Variants in GBP7 observed in about 807,000 individuals in gnomAD.
GBP7 encodes guanylate-binding protein 7.
A neutral mutation model predicts 61.3 loss-of-function variants in GBP7; 43 were observed. The ratio of observed to expected loss-of-function variants is 0.70; its 90% CI spans 0.55 to 0.91. The LOEUF (loss-of-function observed/expected upper bound fraction) is 0.91. Ranked by LOEUF, GBP7 falls within the 40% of genes least tolerant of loss-of-function variation. The pLI is 0.00. For synonymous variants in GBP7, 267 were observed against 271.0 expected (o/e 0.99, Z 0.14); for missense variants, 717 against 740.5 (o/e 0.97, Z 0.37).
At position 89,174,093 on chromosome 1, in the gene GBP7, T is replaced by G. The variant is rs74098342; in HGVS notation, c.-20+1828A>C. The stretch of plus-strand genomic sequence containing the variant: ...GAAAGCTTTTAAAATCCTTTTAACA[T>G]GTATCTACTCCTTTATGTGGATTAT... On this transcript the variant is annotated intron_variant, in intron 1 of 10. Coordinates refer to ENST00000294671, the MANE Select transcript of GBP7 (RefSeq NM_207398.3). 9.9e-3 allele frequency among the ~76,000 whole-genome samples: 1,513 copies of G among 152,362 alleles called. 29 individuals are homozygous for G. The highest frequency in any genetic ancestry group is 0.035 in the African/African-American group (1,459 of 41,588).
intron 8 of GBP7, among the ~76,000 whole-genome samples, chr1:89,146,713 G>A (rs1040011825): frequency 2.0e-4 from 31 of 152,122 alleles, no homozygotes; most frequent in African/African-American, 7.5e-4. Context: ...CTAATCTTCA[G>A]AGAAATGCAA....
rs567933284 is a variant in GBP7, at chr1:89,146,457, A to G, written c.1365+1110T>C. ...CTACATCAAACTAAGTTACCACTCAATGAAAAAACAAAGAAAGGAAAAAAG... is the reference window on the plus strand; with the variant it reads ...CTACATCAAACTAAGTTACCACTCAGTGAAAAAACAAAGAAAGGAAAAAAG... On this transcript the variant is annotated intron_variant, in intron 8 of 10. Coordinates refer to ENST00000294671, the MANE Select transcript of GBP7 (RefSeq NM_207398.3). 4.6e-5 allele frequency among the ~76,000 whole-genome samples: 7 copies of G among 152,306 alleles called. No homozygotes were observed. The East Asian group carries it at 7.7e-4, about 17-fold the overall frequency.
At position 89,150,475 on chromosome 1, in the gene GBP7, G is replaced by A. The variant is rs761951592; in HGVS notation, c.726C>T (p.Asp242=). The A allele has an allele frequency of 1.2e-6, 2 of 1,613,824 alleles. No individual in the cohort carries two copies. Among genetic ancestry groups the A allele is most frequent in the Non-Finnish European group, 8.5e-7 (1 of 1,179,928 alleles). The change falls in exon 6 of 11, where the codon GAC becomes GAT. Residue 242 remains aspartate (D), a synonymous_variant. Coordinates refer to ENST00000294671, the MANE Select transcript of GBP7 (RefSeq NM_207398.3). ...CTTCAACATGGAGTAAGAGTTTTTT[G>A]TCATTTATTGGCCGGTCAAAGACAA... ...KCFVFDRPIN[D]KKLLLHVEEV...
At chr1:89,168,200 T>C (rs536753441) in intron 2 of GBP7, among the ~76,000 whole-genome samples, 1 of 152,320 alleles carries the variant, frequency 6.6e-6, no homozygotes, top group East Asian at 1.9e-4. Context: ...TTTTTCCTCT[T>C]ACTTTTTCGC....
chr1:89,168,151 T>C (rs1301237412), intron 2 of GBP7, among the ~76,000 whole-genome samples: 4 of 152,200 alleles, frequency 2.6e-5, no homozygotes, highest in African/African-American at 9.6e-5. Flanking sequence ...TATTTCTGAT[T>C]GGCATATAGA....
In GBP7 at chr1:89,154,896, G is replaced by C. The variant is rs2100650512; in HGVS notation, c.319-2119C>G. On this transcript the variant is annotated intron_variant, in intron 3 of 10. Transcript: ENST00000294671. ...TTTGAGATCTGAGAATGGACAGACT[G>C]CCTCCTCAAGTGGGTCCCCGACCCC... is the stretch of plus-strand genomic sequence containing the variant. Among the ~76,000 whole-genome samples the C allele has an allele frequency of 1.3e-5, 2 of 152,270 alleles. 1 individual carries two copies. The highest frequency in any genetic ancestry group is 4.1e-4 in the South Asian group (2 of 4,828).
intron 8 of GBP7, among the ~76,000 whole-genome samples, chr1:89,143,448 T>C (rs1321070411): frequency 6.6e-6 from 1 of 152,218 alleles, no homozygotes; most frequent in African/African-American, 2.4e-5. Flanking sequence ...TTTAAAATAG[T>C]TTTTTGGACA....
chr1:89,149,147 CTG>C, intron 7 of GBP7, 143 bp downstream of exon 7: 6 of 603,056 alleles, frequency 9.9e-6, no homozygotes, highest in Non-Finnish European at 1.6e-5. Context: ...AAATAAAAAA[CTG>C]TAGCCCATTA....
In GBP7 at chr1:89,149,616, C is replaced by T. The variant is rs757503690; in HGVS notation, c.872-44G>A. On this transcript the variant is annotated intron_variant, in intron 6 of 10. Coordinates refer to ENST00000294671, the MANE Select transcript of GBP7 (RefSeq NM_207398.3). ...TTAGGGAATAGATAGAAAGTTTTCA[C>T]TCATTGTTTTACGAGTGGTATGTAT... 62 of 1,542,800 alleles carry T rather than the reference C, an allele frequency of 4.0e-5. 1 individual carries two copies. In the Admixed American group the frequency reaches 1.1e-3, roughly 28 times the overall value.
chr1:89,137,697 C>T (rs1385007271), intron 9 of GBP7, among the ~76,000 whole-genome samples: 1 of 152,014 alleles, frequency 6.6e-6, no homozygotes, highest in Non-Finnish European at 1.5e-5. Flanking sequence ...CAACATCATA[C>T]TGAATGTGAA....
chr1:89,167,277 C>T lies in GBP7; in HGVS notation c.191-2419G>A, dbSNP rs775053333. 6.5e-4 allele frequency among the ~76,000 whole-genome samples: 99 copies of T among 152,288 alleles called. No homozygotes were observed. In the Middle Eastern group the frequency reaches 0.031, roughly 47 times the overall value. Reference sequence around the variant, plus strand: ...GTTGAGTCTCCCCTTGGGTTAAAATCCCTTCTTTTTGTCTAGTTCAGGATC... The same window carrying T: ...GTTGAGTCTCCCCTTGGGTTAAAATTCCTTCTTTTTGTCTAGTTCAGGATC... On this transcript the variant is annotated intron_variant, in intron 2 of 10. Transcript: ENST00000294671.
At chr1:89,152,889 A>G (rs1682238564) in intron 3 of GBP7, 112 bp from the exon 4 acceptor site, 1 of 710,316 alleles carries the variant, frequency 1.4e-6, no homozygotes. Flanking sequence ...TTTTCCCAAA[A>G]TGCTGTGTCT....
intron 8 of GBP7, among the ~76,000 whole-genome samples, chr1:89,142,889 T>C (rs1439003954): frequency 6.6e-6 from 1 of 152,218 alleles, no homozygotes; most frequent in Non-Finnish European, 1.5e-5. Context: ...TTGTAGCTTA[T>C]TCACTTTCAT....
chr1:89,165,880 A>G lies in GBP7; in HGVS notation c.191-1022T>C, dbSNP rs1485239466. ...GTGTATACCTACGTAAGAAACTTGC[A>G]TGTTCTGCACATATATCCCTGAACT... is the stretch of plus-strand genomic sequence containing the variant. On this transcript the variant is annotated intron_variant, in intron 2 of 10. Coordinates refer to ENST00000294671, the MANE Select transcript of GBP7 (RefSeq NM_207398.3). Among the ~76,000 whole-genome samples, 4 of 152,158 alleles carry G rather than the reference A, an allele frequency of 2.6e-5. No individual in the cohort carries two copies. The South Asian group carries it at 6.2e-4, about 24-fold the overall frequency.
intron 8 of GBP7, among the ~76,000 whole-genome samples, chr1:89,142,563 A>G (rs1477639113): frequency 1.3e-5 from 2 of 152,196 alleles, no homozygotes; most frequent in Non-Finnish European, 2.9e-5. Flanking sequence ...AGAAACTTTA[A>G]GAATTTGAAA....
chr1:89,172,042 T>C lies in GBP7; in HGVS notation c.-19-88A>G, dbSNP rs1647618428. ...TAGGGCATAAATCTTTGTTTTCTAT[T>C]CTTGAACATTGTTTCTTGTGCATTT... On this transcript the variant is annotated intron_variant, in intron 1 of 10. Coordinates refer to ENST00000294671, the MANE Select transcript of GBP7 (RefSeq NM_207398.3). 5 of 918,450 alleles carry C rather than the reference T, an allele frequency of 5.4e-6. No individual in the cohort carries two copies. In the East Asian group the frequency reaches 1.2e-4, roughly 23 times the overall value. The allele number at this position is 918,450 out of a possible 1,614,324, so 56.9% of individuals were successfully genotyped here. A position where few individuals can be genotyped will look rare whatever the true frequency, so the allele number is the denominator to read the frequency against.
intron 8 of GBP7, among the ~76,000 whole-genome samples, chr1:89,145,829 A>C (rs1388718044): frequency 6.6e-6 from 1 of 152,192 alleles, no homozygotes; most frequent in East Asian, 1.9e-4. Context: ...AAGACATAAA[A>C]TAAATGGAGA....
intron 9 of GBP7, among the ~76,000 whole-genome samples, chr1:89,140,449 TAAA>T (rs1334408383): frequency 5.4e-5 from 4 of 73,554 alleles, no homozygotes; most frequent in African/African-American, 2.2e-4. Flanking sequence ...ATAATAATAA[TAAA>T]AAAAACTGAA....
At chr1:89,161,789 A>G (rs1280686825) in intron 3 of GBP7, among the ~76,000 whole-genome samples, 2 of 151,666 alleles carry the variant, frequency 1.3e-5, no homozygotes, top group African/African-American at 4.8e-5. Flanking sequence ...CCATTTGTCA[A>G]TTTTTGCTTT....
Sources: gnomAD v4.1 joint callset for allele counts (sites outside exome capture counted in the v4.1 genomes callset) on GRCh38, gnomAD v4.1.1 for gene constraint, MANE v1.5 for transcripts, NCBI Gene and HGNC (gene_info 2026-07-23, HGNC 2026-07-21) for gene names.